The following AMZ1 variants were observed in gnomAD, a reference collection of about 807,000 sequenced individuals.
AMZ1 encodes archaemetzincin-1.
AMZ1 carries 39 observed loss-of-function variants against 29.9 expected under a neutral mutation model. The observed-to-expected ratio is 1.30, with a 90% CI of 1.01 to 1.70. AMZ1 has a LOEUF of 1.70. Among genes scored for constraint, AMZ1 ranks in the 40% most tolerant of loss-of-function variants. The pLI, the probability that AMZ1 is intolerant of heterozygous loss-of-function variation, is 0.00. For missense variants in AMZ1, 1,041 were observed against 680.6 expected, an observed-to-expected ratio of 1.53 and a Z score of -5.89; for synonymous variants, 458 against 304.0, an observed-to-expected ratio of 1.51 and a Z score of -5.27.
At position 2,717,736 on chromosome 7, in the gene AMZ1, C is replaced by G. The variant is rs77425728; in HGVS notation, c.*4858C>G. On this transcript the variant is annotated 3_prime_UTR_variant, in exon 7 of 7. Coordinates refer to ENST00000683327, the MANE Select transcript of AMZ1 (RefSeq NM_001384743.1). ...GTGGAGACGGCCGGCCGAGCCTTCC[C>G]TTTTCTGACATCCTACAGCAGCACC... Among the ~76,000 whole-genome samples, 662 of 152,304 alleles carry G rather than the reference C, an allele frequency of 4.3e-3. 33 individuals carry two copies. The East Asian group carries it at 0.1, about 24-fold the overall frequency.
At chr7:2,710,155 T>C (rs1788676755) in intron 6 of AMZ1, among the ~76,000 whole-genome samples, 1 of 152,154 alleles carries the variant, frequency 6.6e-6, no homozygotes, top group Non-Finnish European at 1.5e-5. Context: ...ACTTTCTCTT[T>C]GCTTTCCCGT....
chr7:2,752,694 C>T (rs895542256), intron 4 of AMZ1, among the ~76,000 whole-genome samples: 3 of 152,144 alleles, frequency 2.0e-5, no homozygotes, highest in South Asian at 2.1e-4. Flanking sequence ...AAAGCAATTC[C>T]GTTTTTAATA....
At chr7:2,691,865 C>G (rs2115054865) in intron 1 of AMZ1, among the ~76,000 whole-genome samples, 1 of 152,172 alleles carries the variant, frequency 6.6e-6, no homozygotes, top group African/African-American at 2.4e-5. Flanking sequence ...CTCTGGAAAG[C>G]TGGGACACAG....
chr7:2,707,309 G>C (rs1383422073), intron 3 of AMZ1, among the ~76,000 whole-genome samples: 1 of 151,236 alleles, frequency 6.6e-6, no homozygotes, highest in African/African-American at 2.4e-5. Context: ...CACACACACA[G>C]AACAACCTCC....
chr7:2,685,080 A>T (rs1052127752), upstream of AMZ1, among the ~76,000 whole-genome samples: 24 of 151,720 alleles, frequency 1.6e-4, no homozygotes, highest in East Asian at 3.8e-3. Flanking sequence ...TGTGTTAGCC[A>T]GGATGGTCTT....
intron 5 of AMZ1, 135 bp downstream of exon 5, chr7:2,709,379 A>G: frequency 2.7e-6 from 3 of 1,093,038 alleles, no homozygotes; most frequent in Non-Finnish European, 3.8e-6. Flanking sequence ...GAGGAAAGCA[A>G]GGCTACACAG....
chr7:2,747,153 C>T (rs1414193144), intron 4 of AMZ1, among the ~76,000 whole-genome samples: 1 of 152,156 alleles, frequency 6.6e-6, no homozygotes, highest in Non-Finnish European at 1.5e-5. Context: ...AGAGGGAATC[C>T]TCCCTAACTC....
At chr7:2,726,557 G>C (rs1317782789) in intron 4 of AMZ1, among the ~76,000 whole-genome samples, 3 of 152,174 alleles carry the variant, frequency 2.0e-5, no homozygotes, top group Non-Finnish European at 4.4e-5. Flanking sequence ...GGACATCCAG[G>C]CTCCCAGAGC....
chr7:2,735,987 C>T (rs537763365), intron 4 of AMZ1, among the ~76,000 whole-genome samples: 3 of 152,282 alleles, frequency 2.0e-5, no homozygotes, highest in East Asian at 1.9e-4. Flanking sequence ...TGGTGCACTG[C>T]GGTTCACCAA....
chr7:2,738,068 C>A (rs916348139), intron 4 of AMZ1, among the ~76,000 whole-genome samples: 2 of 152,096 alleles, frequency 1.3e-5, no homozygotes, highest in African/African-American at 4.8e-5. Context: ...AAAAAGGAAG[C>A]TTTTCAAGTT....
upstream of AMZ1, among the ~76,000 whole-genome samples, chr7:2,686,538 A>T (rs557140585): frequency 6.6e-6 from 1 of 152,330 alleles, no homozygotes; most frequent in South Asian, 2.1e-4. Context: ...TGTCTCAAAA[A>T]AAACTTTTTA....
chr7:2,708,311 G>A (rs113054824), intron 3 of AMZ1, among the ~76,000 whole-genome samples: 5 of 152,294 alleles, frequency 3.3e-5, no homozygotes, highest in East Asian at 3.9e-4. Context: ...GGCTGCAAGC[G>A]CCAGTCTTGT....
upstream of AMZ1, among the ~76,000 whole-genome samples, chr7:2,683,642 G>C (rs1786966715): frequency 2.0e-5 from 3 of 152,048 alleles, no homozygotes; most frequent in Admixed American, 2.0e-4. Flanking sequence ...GTTTCACCGT[G>C]TTAGCCAGGA....
chr7:2,701,456 C>T (rs1480910013), intron 2 of AMZ1, among the ~76,000 whole-genome samples: 3 of 152,208 alleles, frequency 2.0e-5, no homozygotes, highest in African/African-American at 4.8e-5. Context: ...GCTTGAGGGC[C>T]CAGAGTGGTC....
chr7:2,708,717 G>C lies in AMZ1; in HGVS notation c.601+1G>C, dbSNP rs1788531388. 1 of 1,612,320 alleles carries C rather than the reference G, an allele frequency of 6.2e-7. No homozygotes were observed. The highest frequency in any genetic ancestry group is 8.5e-7 in the Non-Finnish European group (1 of 1,179,984). ...TTCAGCAAGTTCCTTCCAGGGCACG[G>C]TGAGCCGGGGCCCCAGCAGCTGTGC... On this transcript the variant is annotated splice_donor_variant, in intron 4 of 6. Transcript: ENST00000683327. LOFTEE classifies it high-confidence loss of function.
intron 1 of AMZ1, among the ~76,000 whole-genome samples, chr7:2,696,896 C>G (rs959487049): frequency 6.7e-6 from 1 of 150,092 alleles, no homozygotes; most frequent in African/African-American, 2.5e-5. Flanking sequence ...AAACAAAAAA[C>G]AAAAACAAAA....
At chr7:2,738,796 C>T (rs563749335) in intron 4 of AMZ1, among the ~76,000 whole-genome samples, 48 of 152,312 alleles carry the variant, frequency 3.2e-4, no homozygotes, top group South Asian at 1.4e-3. Context: ...AGGTTAGAGG[C>T]GGAACCTAGA....
rs758733795 is a variant in AMZ1 at position 2,712,578 on chromosome 7, C to A, written c.1197C>A (p.Gly399=). ...AASEAPLPPG[G]PAEAIKEHER... ...CAGAGGCTCCGCTGCCACCTGGGGGCCCTGCGGAGGCCATCAAGGAGCATG... is the reference window on the plus strand; with the variant it reads ...CAGAGGCTCCGCTGCCACCTGGGGGACCTGCGGAGGCCATCAAGGAGCATG... The change falls in exon 7 of 7, where the codon GGC becomes GGA. Residue 399 remains glycine, a synonymous_variant. Coordinates refer to ENST00000683327, the MANE Select transcript of AMZ1 (RefSeq NM_001384743.1). 6.2e-7 allele frequency: 1 copy of A among 1,611,660 alleles called. No individual in the cohort carries two copies. The highest frequency in any genetic ancestry group is 8.5e-7 in the Non-Finnish European group (1 of 1,179,306).
intron 4 of AMZ1, among the ~76,000 whole-genome samples, chr7:2,745,233 T>C (rs138810997): frequency 0.024 from 3,672 of 152,094 alleles, 108 homozygotes; most frequent in Middle Eastern, 0.075. Flanking sequence ...TCACCAAAGT[T>C]GAAATGAAGG....
Sources: allele counts gnomAD v4.1 joint callset (sites outside exome capture counted in the v4.1 genomes callset), GRCh38; gene constraint gnomAD v4.1.1; transcripts MANE v1.5; gene names NCBI Gene and HGNC (gene_info 2026-07-23, HGNC 2026-07-21).